Variants in CDK5RAP2 observed in about 807,000 individuals in gnomAD.
CDK5RAP2 encodes the protein CDK5 regulatory subunit associated protein 2, also known as CDK5 regulatory subunit-associated protein 2.
CDK5RAP2 carries 147 observed loss-of-function variants against 232.9 expected under a neutral mutation model. The observed-to-expected ratio is 0.63, with a 90% CI of 0.55 to 0.72. The LOEUF is 0.72. Among genes scored for constraint, CDK5RAP2 ranks in the 30% least tolerant of loss-of-function variants. The pLI, the probability that CDK5RAP2 is intolerant of heterozygous loss-of-function variation, is 0.00. For missense variants in CDK5RAP2, 2,195 were observed against 2,231.5 expected, an observed-to-expected ratio of 0.98 and a Z score of 0.33; for synonymous variants, 833 against 833.7, an observed-to-expected ratio of 1.00 and a Z score of 0.01.
chr9:120,553,026 G>A (rs2042102625), intron 3 of CDK5RAP2, among the ~76,000 whole-genome samples: 1 of 152,156 alleles, frequency 6.6e-6, no homozygotes, highest in South Asian at 2.1e-4. Context: ...ACAATAAAAA[G>A]TTGGGGGAAA....
At chr9:120,413,845 A>AGGAGGGAG (rs2034034062) in intron 28 of CDK5RAP2, among the ~76,000 whole-genome samples, 1 of 140,998 alleles carries the variant, frequency 7.1e-6, no homozygotes, top group African/African-American at 2.7e-5. Flanking sequence ...GGAGGAGGGA[A>AGGAGGGAG]GGAGGAGGGA....
intron 1 of CDK5RAP2, among the ~76,000 whole-genome samples, chr9:120,574,423 T>C (rs776649611): frequency 1.2e-4 from 18 of 152,246 alleles, no homozygotes; most frequent in Non-Finnish European, 2.4e-4. Context: ...GATATGATCT[T>C]ATTCCACAGA....
chr9:120,404,123 G>A lies in CDK5RAP2; in HGVS notation c.4964-10C>T. The A allele has an allele frequency of 6.3e-7, 1 of 1,577,502 alleles. No homozygotes were observed. ...GGATATTTGTCACCATCTACAAAAT[G>A]CAAAACACGAGAACTGTTAGTTTCA... On this transcript the variant is annotated splice_polypyrimidine_tract_variant and intron_variant, in intron 32 of 37. Transcript: ENST00000349780.
At chr9:120,468,214 A>G (rs2037493075) in intron 17 of CDK5RAP2, among the ~76,000 whole-genome samples, 1 of 152,212 alleles carries the variant, frequency 6.6e-6, no homozygotes, top group Non-Finnish European at 1.5e-5. Context: ...CATCACTTCA[A>G]GGCAAAAAGA....
At chr9:120,408,685 A>G (rs2033648802) in intron 30 of CDK5RAP2, among the ~76,000 whole-genome samples, 1 of 152,188 alleles carries the variant, frequency 6.6e-6, no homozygotes, top group African/African-American at 2.4e-5. Context: ...AGGAAAACCC[A>G]AAGTCCTCAC....
chr9:120,409,007 T>C (rs1225421145), intron 30 of CDK5RAP2, 120 bp downstream of exon 30: 5 of 893,840 alleles, frequency 5.6e-6, no homozygotes, highest in Non-Finnish European at 3.7e-6. Flanking sequence ...ACAATGTGTT[T>C]GTGTCTACTG....
chr9:120,463,278 G>C (rs2037193071), intron 18 of CDK5RAP2, among the ~76,000 whole-genome samples: 1 of 152,176 alleles, frequency 6.6e-6, no homozygotes, highest in Non-Finnish European at 1.5e-5. Flanking sequence ...AGCTGAGACA[G>C]GAGACTGGCA....
In CDK5RAP2 at chr9:120,484,320, G is replaced by A. The variant is rs528944033; in HGVS notation, c.1626+2974C>T. 2.6e-5 allele frequency among the ~76,000 whole-genome samples: 4 copies of A among 152,306 alleles called. No individual in the cohort carries two copies. The South Asian group carries it at 8.3e-4, about 32-fold the overall frequency. The stretch of plus-strand genomic sequence containing the variant: ...TTGGGGCCGGGGGAGTCGGGGGTAC[G>A]ACTGTAAGGCTGCAACAGTTGGGAT... On this transcript the variant is annotated intron_variant, in intron 14 of 37. Transcript: ENST00000349780.
At position 120,458,656 on chromosome 9, in the gene CDK5RAP2, T is replaced by C. The variant is rs535577680; in HGVS notation, c.2203-34A>G. 56 of 1,602,590 alleles carry C rather than the reference T, an allele frequency of 3.5e-5. No homozygotes were observed. The Admixed American group carries it at 6.8e-4, about 20-fold the overall frequency. On this transcript the variant is annotated intron_variant, in intron 19 of 37. Coordinates refer to ENST00000349780, the MANE Select transcript of CDK5RAP2 (RefSeq NM_018249.6). ...AAAAGTATTTGGTCAAATAATGGAA[T>C]AAGGAGGAAGGGAATGGGGTGTGTG...
chr9:120,434,422 C>T (rs538405682), intron 25 of CDK5RAP2, among the ~76,000 whole-genome samples: 109 of 152,172 alleles, frequency 7.2e-4, no homozygotes, highest in South Asian at 4.6e-3. Flanking sequence ...GACTTTTACA[C>T]TGAATGAAAA....
At chr9:120,475,343 C>T (rs922219726) in intron 15 of CDK5RAP2, among the ~76,000 whole-genome samples, 14 of 152,250 alleles carry the variant, frequency 9.2e-5, no homozygotes, top group Admixed American at 3.3e-4. Flanking sequence ...TTTGTTAGTC[C>T]GAGTTAGCCC....
At chr9:120,459,320 T>C (rs2036957455) in intron 19 of CDK5RAP2, among the ~76,000 whole-genome samples, 1 of 152,146 alleles carries the variant, frequency 6.6e-6, no homozygotes, top group African/African-American at 2.4e-5. Context: ...GTGCTGCAAT[T>C]AACATTCTTT....
chr9:120,572,573 C>A (rs1048361471), intron 1 of CDK5RAP2, among the ~76,000 whole-genome samples: 2 of 152,150 alleles, frequency 1.3e-5, no homozygotes, highest in Non-Finnish European at 2.9e-5. Context: ...ATTCACTGAT[C>A]CAAGAAGTTG....
At chr9:120,519,179 AAAAAAAAG>A (rs1429809702) in intron 11 of CDK5RAP2, among the ~76,000 whole-genome samples, 160 of 152,050 alleles carry the variant, frequency 1.1e-3, no homozygotes, top group Non-Finnish European at 1.9e-3. Context: ...GTCTCAAAAA[AAAAAAAAG>A]AAAAAAAGAA....
chr9:120,521,200 A>C (rs2040635429), intron 11 of CDK5RAP2, among the ~76,000 whole-genome samples: 1 of 152,222 alleles, frequency 6.6e-6, no homozygotes, highest in Non-Finnish European at 1.5e-5. Flanking sequence ...TTGTCCAAAT[A>C]CCACCTAATT....
intron 34 of CDK5RAP2, among the ~76,000 whole-genome samples, chr9:120,402,089 C>T (rs991787482): frequency 5.9e-5 from 9 of 152,066 alleles, no homozygotes; most frequent in Admixed American, 6.6e-5. Context: ...CCCAGGAGTT[C>T]GAGGCCAGCC....
chr9:120,578,570 T>A lies in CDK5RAP2; in HGVS notation c.59+1350A>T, dbSNP rs1370857213. Among the ~76,000 whole-genome samples, 10 of 3,566 alleles carry A rather than the reference T, an allele frequency of 2.8e-3. No individual in the cohort carries two copies. In the Non-Finnish European group the frequency reaches 0.035, roughly 13 times the overall value. 2.3% of individuals were successfully genotyped at this position (3,566 alleles called of 152,430 possible). A position where few individuals can be genotyped will look rare whatever the true frequency, so the allele number is the denominator to read the frequency against. On this transcript the variant is annotated intron_variant, in intron 1 of 37. Transcript: ENST00000349780. ...TAAATATTAATTATTTTCACTTTCC[T>A]TTTTTTTTTTTTTAAAGATAGAGTC...
At chr9:120,544,274 G>A (rs1588619518) in intron 5 of CDK5RAP2, among the ~76,000 whole-genome samples, 1 of 152,306 alleles carries the variant, frequency 6.6e-6, no homozygotes, top group East Asian at 1.9e-4. Context: ...AAGACCTGTA[G>A]CAGGCAGGGC....
chr9:120,467,779 G>A, intron 18 of CDK5RAP2, 81 bp downstream of exon 18: 1 of 1,482,702 alleles, frequency 6.7e-7, no homozygotes, highest in Non-Finnish European at 9.3e-7. Context: ...CCAAAGTGCT[G>A]GGATTACAGG....
Sources: allele counts gnomAD v4.1 joint callset (sites outside exome capture counted in the v4.1 genomes callset), GRCh38; gene constraint gnomAD v4.1.1; transcripts MANE v1.5; gene names NCBI Gene and HGNC (gene_info 2026-07-23, HGNC 2026-07-21).